The following ZNF765 variants were observed in gnomAD, a reference collection of about 807,000 sequenced individuals.
The protein encoded by ZNF765 is zinc finger protein 765.
A neutral mutation model predicts 44.7 loss-of-function variants in ZNF765; 37 were observed. The observed-to-expected ratio is 0.83, with a 90% CI of 0.64 to 1.09. ZNF765 has a LOEUF of 1.09. ZNF765 is among the 50% of genes least tolerant of loss of function. The pLI is 0.00. For missense variants in ZNF765, 594 were observed against 626.1 expected (o/e 0.95, Z 0.55); for synonymous variants, 201 against 213.7 (o/e 0.94, Z 0.52).
Position 53,408,413 on chromosome 19 carries a change from A to G in ZNF765, c.858A>G (p.Leu286=). ...CGKTFSQTYY[L]TCHRRLHTGE... ...AGACCTTCAGTCAGACATATTACCT[A>G]ACATGCCATCGTAGACTTCATACTG... Residue 286 remains leucine, a synonymous_variant, in exon 4 of 4, where the codon CTA becomes CTG. Coordinates refer to ENST00000396408, the MANE Select transcript of ZNF765 (RefSeq NM_001040185.3). The G allele has an allele frequency of 6.2e-7, 1 of 1,609,502 alleles. No homozygotes were observed. Among genetic ancestry groups the G allele is most frequent in the Non-Finnish European group, 8.5e-7 (1 of 1,178,444 alleles).
chr19:53,408,890 A>G lies in ZNF765; in HGVS notation c.1335A>G (p.Lys445=). The G allele has an allele frequency of 6.2e-7, 1 of 1,613,672 alleles. No homozygotes were observed. Among genetic ancestry groups the G allele is most frequent in the Non-Finnish European group, 8.5e-7 (1 of 1,179,906 alleles). The change falls in exon 4 of 4, where the codon AAA becomes AAG. Residue 445 remains lysine (K), a synonymous_variant. Coordinates refer to ENST00000396408, the MANE Select transcript of ZNF765 (RefSeq NM_001040185.3). The part of the protein sequence containing the change: ...EKPYKCEECD[K]AYSFKSNLEI... ...CTTACAAATGTGAAGAATGTGACAA[A>G]GCCTACAGTTTCAAATCAAACCTTG...
rs552930918 is a variant in ZNF765 at position 53,408,352 on chromosome 19, C to T, written c.797C>T (p.Thr266Ile). The T allele has an allele frequency of 8.7e-6, 14 of 1,614,220 alleles. No individual in the cohort carries two copies. The highest frequency in any genetic ancestry group is 1.2e-5 in the Non-Finnish European group (14 of 1,180,026). The stretch of plus-strand genomic sequence containing the variant: ...GTTGCACGCCATCGTAGATGTCACA[C>T]TGGTGAGAAACCTTACAAGTGTAAT... ...RYVARHRRCH[T>I]GEKPYKCNEC... The change falls in exon 4 of 4, where the codon ACT becomes ATT. Residue 266 changes from threonine (T) to isoleucine (I), a missense_variant. Coordinates refer to ENST00000396408, the MANE Select transcript of ZNF765 (RefSeq NM_001040185.3).
chr19:53,403,172 A>G (rs1476377109), intron 3 of ZNF765, among the ~76,000 whole-genome samples: 1 of 150,220 alleles, frequency 6.7e-6, no homozygotes, highest in African/African-American at 2.4e-5. Flanking sequence ...AAAAAAAAAG[A>G]AAAAAAAATT....
At chr19:53,398,140 C>T (rs1357558805) in intron 2 of ZNF765, 110 bp downstream of exon 2, 16 of 1,577,582 alleles carry the variant, frequency 1.0e-5, no homozygotes, top group African/African-American at 2.7e-5. Flanking sequence ...CAGGTTTGCT[C>T]GCACTCACCC....
downstream of ZNF765, among the ~76,000 whole-genome samples, chr19:53,416,168 G>A (rs926830791): frequency 2.6e-5 from 4 of 152,102 alleles, no homozygotes; most frequent in African/African-American, 9.7e-5. Context: ...TGGCCAGGCT[G>A]GTCTTGAACT....
chr19:53,421,550 T>C (rs2085907673), intron 3 of ZNF765, among the ~76,000 whole-genome samples: 1 of 152,182 alleles, frequency 6.6e-6, no homozygotes, highest in South Asian at 2.1e-4. Context: ...GTTTCACTCT[T>C]GTTACCCGGG....
chr19:53,426,778 C>T (rs531118555), exon 4 of ZNF765: 1 of 151,910 alleles, frequency 6.6e-6, no homozygotes, highest in South Asian at 2.1e-4. Flanking sequence ...AACCATCCCC[C>T]CATCTGTGGA....
chr19:53,414,499 C>A (rs1313716973), downstream of ZNF765, among the ~76,000 whole-genome samples: 81 of 30,182 alleles, frequency 2.7e-3, no homozygotes, highest in Middle Eastern at 9.4e-3. Flanking sequence ...ACCCCCCCCC[C>A]CCCCCCCCCC....
intron 3 of ZNF765, among the ~76,000 whole-genome samples, chr19:53,418,735 T>C (rs1430458869): frequency 6.6e-6 from 1 of 151,364 alleles, no homozygotes; most frequent in Non-Finnish European, 1.5e-5. Flanking sequence ...GCAAAACCCA[T>C]CTGTACTAAA....
Position 53,407,838 on chromosome 19 carries a change from C to G in ZNF765, c.283C>G (p.His95Asp), listed in dbSNP as rs746730483. The G allele has an allele frequency of 1.9e-6, 3 of 1,613,472 alleles. No homozygotes were observed. The highest frequency in any genetic ancestry group is 2.5e-6 in the Non-Finnish European group (3 of 1,179,828). The change falls in exon 4 of 4, where the codon CAT becomes GAT. Residue 95 changes from histidine (H) to aspartate (D), a missense_variant. By Grantham distance (81) the His-to-Asp change is moderately conservative (BLOSUM62 -1). Around this residue, in one of 2 missense-constraint regions of ZNF765, gnomAD observed 567 missense variants for 572.6 expected, o/e 0.99. Coordinates refer to ENST00000396408, the MANE Select transcript of ZNF765 (RefSeq NM_001040185.3). ...TTTCCAGGATATTGATAAAGATATT[C>G]ATGACATTGAGTTTCAGTGGCAAGA... is the stretch of plus-strand genomic sequence containing the variant. The part of the protein sequence containing the change: ...FCFQDIDKDI[H>D]DIEFQWQEDE...
chr19:53,400,488 CCT>C (rs1045961660), intron 2 of ZNF765, among the ~76,000 whole-genome samples: 4 of 152,020 alleles, frequency 2.6e-5, no homozygotes, highest in African/African-American at 9.7e-5. Context: ...AAGATTCCCC[CCT>C]GTCCCCAACT....
intron 3 of ZNF765, 76 bp downstream of exon 3, chr19:53,402,267 T>G: frequency 6.7e-7 from 1 of 1,501,096 alleles, no homozygotes; most frequent in East Asian, 2.4e-5. Flanking sequence ...TTTTTTTTTT[T>G]TTTTTTTGAG....
chr19:53,404,535 C>T (rs373516256), intron 3 of ZNF765, among the ~76,000 whole-genome samples: 61 of 152,238 alleles, frequency 4.0e-4, no homozygotes, highest in African/African-American at 1.3e-3. Context: ...TAACTGCAGC[C>T]TCTGCCTCCC....
rs906618819 is a variant in ZNF765 at position 53,421,923 on chromosome 19, C to T, written c.143-1139C>T. 4.6e-5 allele frequency among the ~76,000 whole-genome samples: 7 copies of T among 152,302 alleles called. No homozygotes were observed. The South Asian group carries it at 1.4e-3, about 32-fold the overall frequency. On this transcript the variant is annotated intron_variant, in intron 3 of 3. Transcript: ENST00000594030. Reference sequence around the variant, plus strand: ...CATTAATTCCTGTGGTAGGTGCCATCGTACTTTCCTTCCTGGCATAAGAAG... The same window carrying T: ...CATTAATTCCTGTGGTAGGTGCCATTGTACTTTCCTTCCTGGCATAAGAAG...
intron 3 of ZNF765, 36 bp from the exon 4 acceptor site, chr19:53,407,662 C>T (rs774960183): frequency 1.4e-6 from 2 of 1,456,382 alleles, no homozygotes; most frequent in East Asian, 2.3e-5. Flanking sequence ...ACCATCTGTA[C>T]TTAATTTGAA....
intron 3 of ZNF765, among the ~76,000 whole-genome samples, chr19:53,417,591 C>A (rs1469114987): frequency 2.6e-5 from 4 of 152,188 alleles, no homozygotes; most frequent in Admixed American, 1.3e-4. Flanking sequence ...CGAACATACA[C>A]GTGCATGCGT....
At chr19:53,397,843 C>T (rs935357714) in intron 1 of ZNF765, 100 bp from the exon 2 acceptor site, 18 of 1,207,144 alleles carry the variant, frequency 1.5e-5, no homozygotes, top group South Asian at 7.6e-5. Flanking sequence ...CATAGGGGAC[C>T]GTATGTCCTC....
In ZNF765 at chr19:53,425,241, A is replaced by G. The variant is rs139039812; in HGVS notation, c.*2139A>G. On this transcript the variant is annotated 3_prime_UTR_variant, in exon 4 of 4. Coordinates refer to the ZNF765 transcript ENST00000594030. ...CCTCCTGATCCCTCCCTCCACCCAC[A>G]CCGCACTGCAGCAGCTCTGGGGAAA... 1,486 of 151,926 alleles carry G rather than the reference A, an allele frequency of 9.8e-3. 8 individuals carry two copies. Among genetic ancestry groups the G allele is most frequent in the Non-Finnish European group, 0.015 (1,045 of 68,020 alleles). 9.4% of individuals were successfully genotyped at this position (151,926 alleles called of 1,614,324 possible). A position where few individuals can be genotyped will look rare whatever the true frequency, so the allele number is the denominator to read the frequency against.
At chr19:53,422,413 T>C (rs1240681220) in intron 3 of ZNF765, among the ~76,000 whole-genome samples, 1 of 152,188 alleles carries the variant, frequency 6.6e-6, no homozygotes, top group East Asian at 1.9e-4. Context: ...ATGAAGAATA[T>C]GGAGGTGAAT....
Sources: gnomAD v4.1 joint callset for allele counts (sites outside exome capture counted in the v4.1 genomes callset) on GRCh38, gnomAD v4.1.1 for gene constraint, gnomAD v4.1.1 regional missense constraint, MANE v1.5 for transcripts, NCBI Gene and HGNC (gene_info 2026-07-23, HGNC 2026-07-21) for gene names.